Variants in GALNT10 observed in about 807,000 individuals in gnomAD.
The protein encoded by GALNT10 is polypeptide N-acetylgalactosaminyltransferase 10, also known as GalNAc transferase 10.
A neutral mutation model predicts 75.0 loss-of-function variants in GALNT10; 41 were observed. The ratio of observed to expected loss-of-function variants is 0.55; its 90% CI spans 0.43 to 0.71. GALNT10 has a LOEUF of 0.71. GALNT10 is among the 30% of genes least tolerant of loss of function. The probability of loss-of-function intolerance (pLI) is 0.00; values close to 1 mark genes in which losing one functional copy is unlikely to be tolerated. For synonymous variants in GALNT10, 302 were observed against 313.0 expected (o/e 0.96, Z 0.37); for missense variants, 727 against 818.5 (o/e 0.89, Z 1.36).
intron 1 of GALNT10, among the ~76,000 whole-genome samples, chr5:154,197,746 T>G (rs1774968059): frequency 6.6e-6 from 1 of 152,154 alleles, no homozygotes; most frequent in Admixed American, 6.5e-5. Flanking sequence ...GCAGTTACCA[T>G]TTATTTAGCA....
chr5:154,206,447 A>C (rs1775111609), intron 1 of GALNT10, among the ~76,000 whole-genome samples: 1 of 152,142 alleles, frequency 6.6e-6, no homozygotes, highest in Non-Finnish European at 1.5e-5. Flanking sequence ...CCTAGTCTAA[A>C]AAGGGACGCA....
At chr5:154,231,319 A>G (rs1452062251) in intron 1 of GALNT10, among the ~76,000 whole-genome samples, 3 of 152,214 alleles carry the variant, frequency 2.0e-5, no homozygotes, top group Non-Finnish European at 4.4e-5. Context: ...GTTTGAATGT[A>G]TATACTGCAC....
At chr5:154,320,074 A>G (rs1426428059) in intron 3 of GALNT10, among the ~76,000 whole-genome samples, 1 of 152,226 alleles carries the variant, frequency 6.6e-6, no homozygotes, top group Non-Finnish European at 1.5e-5. Flanking sequence ...TTAAACAAAG[A>G]ACCTCTACTA....
intron 1 of GALNT10, among the ~76,000 whole-genome samples, chr5:154,224,629 A>G (rs1395287821): frequency 2.0e-5 from 3 of 152,200 alleles, no homozygotes; most frequent in Non-Finnish European, 4.4e-5. Flanking sequence ...TTCATTTACC[A>G]TTCATTCATC....
At chr5:154,294,732 A>G in intron 1 of GALNT10, 84 bp from the exon 2 acceptor site, 3 of 717,440 alleles carry the variant, frequency 4.2e-6, no homozygotes, top group Non-Finnish European at 4.9e-6. Context: ...GGTCAATACA[A>G]AGCTCCCTTA....
intron 1 of GALNT10, among the ~76,000 whole-genome samples, chr5:154,196,314 G>T (rs1325181807): frequency 6.6e-6 from 1 of 152,192 alleles, no homozygotes; most frequent in Non-Finnish European, 1.5e-5. Flanking sequence ...GGAAGTACAT[G>T]GCACCATTAC....
intron 1 of GALNT10, among the ~76,000 whole-genome samples, chr5:154,238,078 G>A (rs901886777): frequency 7.2e-5 from 11 of 152,162 alleles, no homozygotes; most frequent in Admixed American, 3.3e-4. Context: ...AGTTACATAC[G>A]TAAGACATGG....
At position 154,190,992 on chromosome 5, in the gene GALNT10, A is replaced by G; in HGVS notation, c.126A>G (p.Gly42=). The change falls in exon 1 of 12, where the codon GGA becomes GGG. Residue 42 remains glycine, a synonymous_variant. Coordinates refer to ENST00000297107, the MANE Select transcript of GALNT10 (RefSeq NM_198321.4). ...RERQPDGTPG[G]SGAAVAPAAG... is the part of the protein sequence containing the mutation. Reference sequence around the variant, plus strand: ...GGCAGCCCGACGGCACCCCTGGGGGATCGGGGGCGGCGGTGGCGCCGGCGG... The same window carrying G: ...GGCAGCCCGACGGCACCCCTGGGGGGTCGGGGGCGGCGGTGGCGCCGGCGG... 2 of 1,490,372 alleles carry G rather than the reference A, an allele frequency of 1.3e-6. No individual in the cohort carries two copies. The highest frequency in any genetic ancestry group is 1.8e-6 in the Non-Finnish European group (2 of 1,119,358). The allele number at this position is 1,490,372 out of a possible 1,614,324, so 92.3% of individuals were successfully genotyped here. A position where few individuals can be genotyped will look rare whatever the true frequency, so the allele number is the denominator to read the frequency against.
At chr5:154,221,397 T>G (rs1752975944) in intron 1 of GALNT10, among the ~76,000 whole-genome samples, 1 of 152,204 alleles carries the variant, frequency 6.6e-6, no homozygotes, top group Non-Finnish European at 1.5e-5. Flanking sequence ...GTATCCTCCC[T>G]GCACCGCTCC....
At chr5:154,284,326 GTCT>G (rs1322812514) in intron 1 of GALNT10, among the ~76,000 whole-genome samples, 5 of 152,210 alleles carry the variant, frequency 3.3e-5, no homozygotes, top group Admixed American at 1.3e-4. Context: ...AAAGCAGATG[GTCT>G]TCTTCACTTT....
chr5:154,322,014 A>G (rs1351680697), intron 3 of GALNT10, among the ~76,000 whole-genome samples: 1 of 152,240 alleles, frequency 6.6e-6, no homozygotes. Flanking sequence ...TTTGTTTTCT[A>G]TAGCTGCCAT....
At chr5:154,217,903 G>A (rs1484181300) in intron 1 of GALNT10, 4 of 590,366 alleles carry the variant, frequency 6.8e-6, no homozygotes, top group Non-Finnish European at 8.5e-6. Context: ...TGGAGAGACT[G>A]TTGTACTTTC....
At chr5:154,249,472 C>A (rs962864737) in intron 1 of GALNT10, among the ~76,000 whole-genome samples, 17 of 152,100 alleles carry the variant, frequency 1.1e-4, no homozygotes, top group African/African-American at 4.1e-4. Context: ...TTTGAAATGA[C>A]AACAGAGTAG....
intron 1 of GALNT10, among the ~76,000 whole-genome samples, chr5:154,221,031 C>A (rs181408077): frequency 6.6e-6 from 1 of 152,256 alleles, no homozygotes; most frequent in African/African-American, 2.4e-5. Context: ...CCAGTTTGAC[C>A]CCTCTGTTCC....
intron 1 of GALNT10, among the ~76,000 whole-genome samples, chr5:154,252,637 T>G (rs749219915): frequency 1.3e-5 from 2 of 151,998 alleles, no homozygotes; most frequent in African/African-American, 4.8e-5. Context: ...CCTTCCTTCC[T>G]CTTTTTCAGT....
rs984131786 is a variant in GALNT10, at chr5:154,364,048, C to G, written c.569-12229C>G. Among the ~76,000 whole-genome samples, 3 of 152,180 alleles carry G rather than the reference C, an allele frequency of 2.0e-5. No homozygotes were observed. In the East Asian group the frequency reaches 5.8e-4, roughly 29 times the overall value. On this transcript the variant is annotated intron_variant, in intron 4 of 11. Transcript: ENST00000297107. ...GTGCCAAGCAGATCGACACAAGTCC[C>G]AAATCAGAACATGCAGATGATGCTT...
chr5:154,413,510 G>A (rs1203523881), intron 10 of GALNT10, among the ~76,000 whole-genome samples: 6 of 152,302 alleles, frequency 3.9e-5, no homozygotes, highest in South Asian at 2.1e-4. Context: ...GGACAGAGCC[G>A]TCACTTTTGA....
chr5:154,255,394 G>A (rs1248506118), intron 1 of GALNT10, among the ~76,000 whole-genome samples: 1 of 151,968 alleles, frequency 6.6e-6, no homozygotes, highest in African/African-American at 2.4e-5. Flanking sequence ...AAAGAGTGTC[G>A]TGATTGATAA....
At chr5:154,357,039 A>G (rs1017720561) in intron 4 of GALNT10, among the ~76,000 whole-genome samples, 1 of 152,228 alleles carries the variant, frequency 6.6e-6, no homozygotes, top group African/African-American at 2.4e-5. Context: ...TTTCTTAGAT[A>G]CATTCCCGGG....
Sources: gnomAD v4.1 joint callset for allele counts (sites outside exome capture counted in the v4.1 genomes callset) on GRCh38, gnomAD v4.1.1 for gene constraint, MANE v1.5 for transcripts, NCBI Gene and HGNC (gene_info 2026-07-23, HGNC 2026-07-21) for gene names.